The following NRXN3 variants were observed in gnomAD, a reference collection of about 807,000 sequenced individuals.
NRXN3 encodes the protein neurexin III.
In NRXN3, 32 loss-of-function variants were observed where a neutral mutation model predicts 137.6. That is an observed-to-expected ratio of 0.23 (90% CI 0.18 to 0.31). NRXN3 has a LOEUF of 0.31. Among genes scored for constraint, NRXN3 ranks in the 10% least tolerant of loss-of-function variants. The pLI, the probability that NRXN3 is intolerant of heterozygous loss-of-function variation, is 1.00. For missense variants in NRXN3, 1,574 were observed against 2,062.5 expected (o/e 0.76, Z 4.59); for synonymous variants, 798 against 784.5 (o/e 1.02, Z -0.29).
At chr14:79,711,430 C>T (rs554088285) in intron 19 of NRXN3, among the ~76,000 whole-genome samples, 57 of 151,882 alleles carry the variant, frequency 3.8e-4, no homozygotes, top group African/African-American at 1.3e-3. Context: ...AATATATTCA[C>T]ATAGTTTATT....
chr14:78,852,269 G>A (rs1482112334), intron 10 of NRXN3, among the ~76,000 whole-genome samples: 2 of 152,134 alleles, frequency 1.3e-5, no homozygotes, highest in South Asian at 2.1e-4. Flanking sequence ...AGCAAGCCTG[G>A]TATTGGCTGC....
intron 10 of NRXN3, among the ~76,000 whole-genome samples, chr14:78,857,352 T>G (rs971829766): frequency 3.9e-5 from 6 of 152,216 alleles, no homozygotes; most frequent in African/African-American, 1.4e-4. Context: ...AAGGAAGTTA[T>G]TCTGGCAGTC....
At chr14:78,635,583 C>A (rs556174265) in intron 4 of NRXN3, among the ~76,000 whole-genome samples, 1 of 152,218 alleles carries the variant, frequency 6.6e-6, no homozygotes, top group Non-Finnish European at 1.5e-5. Context: ...GGGACACAGA[C>A]CTCTCCTCTC....
intron 15 of NRXN3, among the ~76,000 whole-genome samples, chr14:79,049,422 C>T (rs2099638669): frequency 6.6e-6 from 1 of 152,102 alleles, no homozygotes; most frequent in African/African-American, 2.4e-5. Flanking sequence ...TTCTCCTGTA[C>T]TTCTGTTCTA....
intron 4 of NRXN3, among the ~76,000 whole-genome samples, chr14:78,530,836 G>A (rs2096451748): frequency 6.6e-6 from 1 of 152,184 alleles, no homozygotes; most frequent in South Asian, 2.1e-4. Flanking sequence ...CTCAGTGCCT[G>A]TTAAATTCTT....
chr14:78,836,830 A>C (rs531146281), intron 10 of NRXN3, among the ~76,000 whole-genome samples: 2 of 152,302 alleles, frequency 1.3e-5, no homozygotes, highest in East Asian at 3.9e-4. Context: ...GAGATAATAG[A>C]CTATGAGTAG....
chr14:79,512,574 G>A (rs111595442), intron 16 of NRXN3, among the ~76,000 whole-genome samples: 20 of 152,248 alleles, frequency 1.3e-4, no homozygotes, highest in Non-Finnish European at 2.1e-4. Context: ...TGGTTCTTAC[G>A]ATGTACATTT....
chr14:79,289,469 A>C (rs923585897), intron 15 of NRXN3, among the ~76,000 whole-genome samples: 4 of 152,068 alleles, frequency 2.6e-5, no homozygotes, highest in African/African-American at 9.7e-5. Context: ...AAAATAAAAA[A>C]ATTAGCTGGG....
chr14:79,057,643 C>T lies in NRXN3; in HGVS notation c.3262+69502C>T, dbSNP rs144506390. On this transcript the variant is annotated intron_variant, in intron 15 of 20. Transcript: ENST00000335750. Reference sequence around the variant, plus strand: ...CTTCAAGAGGAAAGACACATTTGGACCTTTTAGGTAACTGAAAAATGGCAA... The same window carrying T: ...CTTCAAGAGGAAAGACACATTTGGATCTTTTAGGTAACTGAAAAATGGCAA... 6.7e-4 allele frequency among the ~76,000 whole-genome samples: 102 copies of T among 152,232 alleles called. 1 individual carries two copies. The highest frequency in any genetic ancestry group is 2.3e-3 in the African/African-American group (96 of 41,552).
At chr14:79,006,395 T>C (rs1394693746) in intron 15 of NRXN3, among the ~76,000 whole-genome samples, 2 of 152,140 alleles carry the variant, frequency 1.3e-5, no homozygotes, top group African/African-American at 4.8e-5. Flanking sequence ...GTACTGGTAA[T>C]TTTAGGGTTA....
At chr14:79,639,555 A>G (rs2098422490) in intron 16 of NRXN3, among the ~76,000 whole-genome samples, 1 of 152,126 alleles carries the variant, frequency 6.6e-6, no homozygotes, top group South Asian at 2.1e-4. Context: ...TTCACCATCA[A>G]TGAATTCAGT....
At chr14:79,296,294 G>C (rs1476419360) in intron 15 of NRXN3, among the ~76,000 whole-genome samples, 2 of 152,116 alleles carry the variant, frequency 1.3e-5, no homozygotes, top group African/African-American at 4.8e-5. Context: ...CAAACATCAT[G>C]AGATAAGTAG....
intron 15 of NRXN3, among the ~76,000 whole-genome samples, chr14:79,156,962 C>T (rs1266360248): frequency 1.3e-5 from 2 of 151,730 alleles, no homozygotes; most frequent in African/African-American, 4.8e-5. Flanking sequence ...CAGAGCATCC[C>T]CCAAGTTGTG....
intron 16 of NRXN3, among the ~76,000 whole-genome samples, chr14:79,562,174 T>C (rs2153779947): frequency 6.6e-6 from 1 of 152,264 alleles, no homozygotes; most frequent in South Asian, 2.1e-4. Flanking sequence ...TTAAATTACT[T>C]GCCTGGGGTA....
At chr14:78,344,962 T>C (rs1433003146) in intron 4 of NRXN3, among the ~76,000 whole-genome samples, 1 of 152,226 alleles carries the variant, frequency 6.6e-6, no homozygotes, top group African/African-American at 2.4e-5. Flanking sequence ...GAAAGCCTGG[T>C]TCCACCAGTT....
At chr14:79,081,193 C>T (rs975342707) in intron 15 of NRXN3, among the ~76,000 whole-genome samples, 12 of 152,150 alleles carry the variant, frequency 7.9e-5, no homozygotes, top group Non-Finnish European at 1.2e-4. Context: ...CTATAGTTAG[C>T]AAGTGTAGGT....
At chr14:78,634,983 C>T (rs12590659) in intron 4 of NRXN3, among the ~76,000 whole-genome samples, 28,288 of 152,022 alleles carry the variant, frequency 0.19, 2,816 homozygotes, top group South Asian at 0.24. Flanking sequence ...CTGTTCATCA[C>T]CCAAGCAAAA....
intron 19 of NRXN3, among the ~76,000 whole-genome samples, chr14:79,733,550 G>A (rs1249057007): frequency 6.6e-6 from 1 of 152,062 alleles, no homozygotes. Flanking sequence ...CACTTAACAC[G>A]ATCGGAGGTG....
At chr14:79,772,550 G>A (rs2099082216) in intron 19 of NRXN3, among the ~76,000 whole-genome samples, 1 of 152,282 alleles carries the variant, frequency 6.6e-6, no homozygotes, top group African/African-American at 2.4e-5. Flanking sequence ...TTAATAAATG[G>A]TGCTGGGAAA....
Sources: allele counts gnomAD v4.1 joint callset (sites outside exome capture counted in the v4.1 genomes callset), GRCh38; gene constraint gnomAD v4.1.1; transcripts MANE v1.5; gene names NCBI Gene and HGNC (gene_info 2026-07-23, HGNC 2026-07-21).